Variants in SFTPD observed in about 807,000 individuals in gnomAD.
SFTPD encodes pulmonary surfactant-associated protein D.
A neutral mutation model predicts 34.6 loss-of-function variants in SFTPD; 18 were observed. The ratio of observed to expected loss-of-function variants is 0.52; its 90% CI spans 0.36 to 0.77. The LOEUF is 0.77. Ranked by LOEUF, SFTPD falls within the 30% of genes least tolerant of loss-of-function variation. The pLI, the probability that SFTPD is intolerant of heterozygous loss-of-function variation, is 0.00. For synonymous variants in SFTPD, 155 were observed against 180.9 expected (o/e 0.86, Z 1.15); for missense variants, 433 against 468.9 (o/e 0.92, Z 0.71).
Position 79,962,380 on chromosome 10 carries a change from C to G in SFTPD, c.37-15718G>C, listed in dbSNP as rs1489130790. Among the ~76,000 whole-genome samples the G allele has an allele frequency of 2.0e-5, 3 of 151,964 alleles. No individual in the cohort carries two copies. In the East Asian group the frequency reaches 5.8e-4, roughly 29 times the overall value. Reference sequence around the variant, plus strand: ...GGTGATCATGTCTTTATTATTTTCTCTATGTATATGTGAATCTGTGCTCTG... The same window carrying G: ...GGTGATCATGTCTTTATTATTTTCTGTATGTATATGTGAATCTGTGCTCTG... On this transcript the variant is annotated intron_variant, in intron 1 of 5. Coordinates refer to the SFTPD transcript ENST00000444384.
At chr10:79,962,158 G>A (rs866363645) in intron 1 of SFTPD, among the ~76,000 whole-genome samples, 16 of 110,328 alleles carry the variant, frequency 1.5e-4, no homozygotes, top group African/African-American at 5.6e-4. Flanking sequence ...GGTGGGGGGA[G>A]GGGGGAGGGA....
At chr10:79,941,565 GT>G in intron 5 of SFTPD, 51 bp from the exon 6 acceptor site, 3 of 1,432,698 alleles carry the variant, frequency 2.1e-6, no homozygotes, top group Non-Finnish European at 2.8e-6. Flanking sequence ...TATTTTTTTT[GT>G]TTTTAGCATT....
intron 1 of SFTPD, among the ~76,000 whole-genome samples, chr10:79,956,186 C>T (rs996072805): frequency 3.3e-5 from 5 of 152,120 alleles, no homozygotes; most frequent in Non-Finnish European, 5.9e-5. Context: ...CCAAGATGGC[C>T]GAATAGGAAC....
intron 1 of SFTPD, among the ~76,000 whole-genome samples, chr10:79,963,106 T>G (rs10887254): frequency 0.15 from 22,262 of 151,932 alleles, 2,062 homozygotes; most frequent in East Asian, 0.41. Context: ...ATTTTGGGAG[T>G]CTGAAGTGAG....
At chr10:79,943,371 C>CCT (rs1842635239) in intron 2 of SFTPD, among the ~76,000 whole-genome samples, 1 of 152,172 alleles carries the variant, frequency 6.6e-6, no homozygotes, top group African/African-American at 2.4e-5. Context: ...CTGAGCTTAG[C>CCT]CTCAGGTCCT....
chr10:79,941,536 GT>G (rs762437970), intron 5 of SFTPD, 22 bp from the exon 6 acceptor site: 18 of 1,549,444 alleles, frequency 1.2e-5, no homozygotes, highest in Non-Finnish European at 1.6e-5. Context: ...GAAGAACTGG[GT>G]GAGCTATGTA....
intron 1 of SFTPD, among the ~76,000 whole-genome samples, chr10:79,974,370 C>A (rs151158703): frequency 6.6e-6 from 1 of 151,760 alleles, no homozygotes; most frequent in Non-Finnish European, 1.5e-5. Context: ...CGGGGTTTCT[C>A]GATCTCCTGA....
chr10:79,965,628 T>A (rs1355719290), intron 1 of SFTPD, among the ~76,000 whole-genome samples: 3 of 107,126 alleles, frequency 2.8e-5, no homozygotes, highest in East Asian at 1.1e-3. Context: ...CATGTGCACA[T>A]TGTGCAGGTT....
intron 1 of SFTPD, among the ~76,000 whole-genome samples, chr10:79,973,443 C>T (rs111818663): frequency 1.4e-4 from 22 of 151,850 alleles, no homozygotes; most frequent in African/African-American, 2.7e-4. Flanking sequence ...CATGGTGAAA[C>T]CCCATCTCTA....
chr10:79,954,727 G>A (rs1165571003), intron 1 of SFTPD, among the ~76,000 whole-genome samples: 1 of 152,086 alleles, frequency 6.6e-6, no homozygotes, highest in Admixed American at 6.5e-5. Flanking sequence ...TGTTAATAAG[G>A]GAATAGGATT....
At chr10:79,979,527 C>T (rs974862615) in intron 1 of SFTPD, among the ~76,000 whole-genome samples, 1 of 152,212 alleles carries the variant, frequency 6.6e-6, no homozygotes, top group African/African-American at 2.4e-5. Context: ...GATTATGGAA[C>T]TTTGCATTGG....
intron 7 of SFTPD, 51 bp from the exon 8 acceptor site, chr10:79,938,279 C>CT (rs1564761955): frequency 6.5e-7 from 1 of 1,530,224 alleles, no homozygotes; most frequent in Admixed American, 1.8e-5. Context: ...CTGGCCAAAG[C>CT]TCAGGGGCTG....
At chr10:79,960,921 CA>C (rs199733191) in intron 1 of SFTPD, among the ~76,000 whole-genome samples, 8,140 of 152,244 alleles carry the variant, frequency 0.053, 544 homozygotes, top group East Asian at 0.39. Context: ...GTAACCAAAA[CA>C]GCATGGTACT....
intron 4 of SFTPD, 142 bp downstream of exon 4, chr10:79,942,246 G>A: frequency 1.4e-6 from 1 of 730,338 alleles, no homozygotes; most frequent in Admixed American, 2.3e-5. Context: ...GCAGTTGTGG[G>A]GATTGGGAGG....
Position 79,946,556 on chromosome 10 carries a change from C to A in SFTPD, c.104G>T (p.Cys35Phe), listed in dbSNP as rs1355843857. The change falls in exon 2 of 8, where the codon TGC becomes TTC. Residue 35 changes from cysteine to phenylalanine, a missense_variant. By Grantham distance (205) the Cys-to-Phe change is radical. Coordinates refer to ENST00000372292, the MANE Select transcript of SFTPD (RefSeq NM_003019.5). ...TYSHRTMPSA[C>F]TLVMCSSVES... ...CACTGAGCTACACATGACCAGGGTG[C>A]AAGCACTGGGCATTGTTCTGTGGGA... is the stretch of plus-strand genomic sequence containing the variant. 6.2e-7 allele frequency: 1 copy of A among 1,614,122 alleles called. No homozygotes were observed. Among genetic ancestry groups the A allele is most frequent in the East Asian group, 2.2e-5 (1 of 44,888 alleles).
chr10:79,963,000 A>G (rs1014140573), intron 1 of SFTPD, among the ~76,000 whole-genome samples: 1 of 152,058 alleles, frequency 6.6e-6, no homozygotes, highest in African/African-American at 2.4e-5. Flanking sequence ...CTATCAGTCT[A>G]CCATCTGTCT....
rs1322127313 is a variant in SFTPD, at chr10:79,982,064, G to T, written c.36+511C>A. On this transcript the variant is annotated intron_variant, in intron 1 of 5. Coordinates refer to the SFTPD transcript ENST00000444384. ...GGCGGCGGCCCTGGACGTGCGGGGG[G>T]TCTCTCTGGGCCGGCTGCTGCGCCT... 11 of 299,948 alleles carry T rather than the reference G, an allele frequency of 3.7e-5. No homozygotes were observed. In the South Asian group the frequency reaches 7.4e-4, roughly 20 times the overall value. 18.6% of individuals were successfully genotyped at this position (299,948 alleles called of 1,614,324 possible).
chr10:79,963,569 T>C (rs1315238617), intron 1 of SFTPD, among the ~76,000 whole-genome samples: 2 of 152,188 alleles, frequency 1.3e-5, no homozygotes, highest in Non-Finnish European at 2.9e-5. Context: ...GCTATTTTAG[T>C]TTGCATTTCT....
chr10:79,969,224 C>G (rs979497107), intron 1 of SFTPD: 1 of 152,208 alleles, frequency 6.6e-6, no homozygotes, highest in Non-Finnish European at 1.5e-5. Context: ...GCCTGTAATC[C>G]CAGCACTTTG....
Sources: gnomAD v4.1 joint callset for allele counts (sites outside exome capture counted in the v4.1 genomes callset) on GRCh38, gnomAD v4.1.1 for gene constraint, MANE v1.5 for transcripts, NCBI Gene and HGNC (gene_info 2026-07-23, HGNC 2026-07-21) for gene names.